Variants in STAG1 observed in about 807,000 individuals in gnomAD.
The protein encoded by STAG1 is STAG1 cohesin complex component, also known as cohesin subunit SA-1.
Under a neutral mutation model 170.9 loss-of-function variants are expected in STAG1, and 26 were observed. The ratio of observed to expected loss-of-function variants is 0.15; its 90% CI spans 0.11 to 0.21. The LOEUF (loss-of-function observed/expected upper bound fraction) is 0.21. Among genes scored for constraint, STAG1 ranks in the 10% least tolerant of loss-of-function variants. STAG1 has a pLI of 1.00. For missense variants in STAG1, 964 were observed against 1,509.5 expected (o/e 0.64, Z 5.99); for synonymous variants, 514 against 497.7 (o/e 1.03, Z -0.44).
At chr3:136,429,666 CAA>C in intron 16 of STAG1, among the ~76,000 whole-genome samples, 1 of 152,106 alleles carries the variant, frequency 6.6e-6, no homozygotes, top group Admixed American at 6.5e-5. Context: ...AATGAAAAAG[CAA>C]AAAGACAGAA....
At chr3:136,616,400 A>G (rs1939598796) in intron 3 of STAG1, among the ~76,000 whole-genome samples, 1 of 152,214 alleles carries the variant, frequency 6.6e-6, no homozygotes, top group Non-Finnish European at 1.5e-5. Context: ...GGTAGTCTTT[A>G]ACATAATTAA....
At chr3:136,443,138 C>T in intron 15 of STAG1, 149 bp downstream of exon 15, 1 of 501,578 alleles carries the variant, frequency 2.0e-6, no homozygotes, top group Non-Finnish European at 3.5e-6. Context: ...TTGACACATC[C>T]TTACTTGTTA....
chr3:136,341,096 G>C (rs1935950318), intron 31 of STAG1, among the ~76,000 whole-genome samples: 1 of 152,150 alleles, frequency 6.6e-6, no homozygotes, highest in Non-Finnish European at 1.5e-5. Flanking sequence ...TTTTAGTAGA[G>C]ACGGGGTTTC....
At chr3:136,492,263 G>A (rs537574520) in intron 9 of STAG1, among the ~76,000 whole-genome samples, 18 of 152,278 alleles carry the variant, frequency 1.2e-4, no homozygotes, top group Non-Finnish European at 2.6e-4. Context: ...GTTCAGTCAG[G>A]CTATGACAGA....
intron 1 of STAG1, among the ~76,000 whole-genome samples, chr3:136,694,817 G>A (rs989871221): frequency 6.6e-6 from 1 of 152,158 alleles, no homozygotes; most frequent in African/African-American, 2.4e-5. Context: ...AAAAGTTTTT[G>A]TAAGTAGAGG....
intron 1 of STAG1, among the ~76,000 whole-genome samples, chr3:136,728,154 A>G (rs1933795425): frequency 6.6e-6 from 1 of 151,914 alleles, no homozygotes; most frequent in Non-Finnish European, 1.5e-5. Flanking sequence ...GCGAAAGCCC[A>G]TTTCAAAAAA....
chr3:136,486,533 G>C (rs924798764), intron 9 of STAG1, among the ~76,000 whole-genome samples: 25 of 152,268 alleles, frequency 1.6e-4, no homozygotes, highest in African/African-American at 5.8e-4. Context: ...CTCTGCCGAG[G>C]ATCCATTACA....
chr3:136,563,243 C>T (rs1425976706), intron 5 of STAG1, among the ~76,000 whole-genome samples: 13 of 152,154 alleles, frequency 8.5e-5, no homozygotes, highest in Admixed American at 8.5e-4. Context: ...TCCCCGACCC[C>T]ACTAGTTTCA....
chr3:136,412,355 A>C (rs568902031), intron 21 of STAG1, among the ~76,000 whole-genome samples: 1 of 152,342 alleles, frequency 6.6e-6, no homozygotes, highest in African/African-American at 2.4e-5. Flanking sequence ...TGTGACCCTC[A>C]CAGTAATAAC....
At chr3:136,512,394 T>C (rs1404860588) in intron 7 of STAG1, among the ~76,000 whole-genome samples, 1 of 152,168 alleles carries the variant, frequency 6.6e-6, no homozygotes, top group Non-Finnish European at 1.5e-5. Context: ...TGAAGTGTGT[T>C]ATGGTCTGAA....
intron 11 of STAG1, 58 bp downstream of exon 11, chr3:136,473,481 C>G: frequency 7.9e-7 from 1 of 1,265,272 alleles, no homozygotes; most frequent in Non-Finnish European, 1.1e-6. Context: ...GCTAAACTAG[C>G]TGTAACTAGC....
intron 21 of STAG1, among the ~76,000 whole-genome samples, chr3:136,409,655 A>C (rs904956594): frequency 2.0e-4 from 30 of 152,098 alleles, no homozygotes; most frequent in African/African-American, 7.0e-4. Context: ...ACTACATTGA[A>C]ACTCGCCCCC....
intron 13 of STAG1, among the ~76,000 whole-genome samples, chr3:136,454,134 A>G (rs1173279450): frequency 2.6e-5 from 4 of 152,052 alleles, no homozygotes; most frequent in Non-Finnish European, 5.9e-5. Flanking sequence ...TCACTCTGTC[A>G]CCCAGGCTGG....
chr3:136,607,750 C>A (rs1939036901), intron 3 of STAG1, among the ~76,000 whole-genome samples: 1 of 152,188 alleles, frequency 6.6e-6, no homozygotes, highest in African/African-American at 2.4e-5. Context: ...TCAGCTTTGG[C>A]CAATGGGAGC....
chr3:136,598,356 T>C (rs1938518881), intron 4 of STAG1, among the ~76,000 whole-genome samples: 2 of 152,172 alleles, frequency 1.3e-5, no homozygotes, highest in African/African-American at 4.8e-5. Flanking sequence ...GGCTCCAACA[T>C]TTTCACTAAC....
chr3:136,477,115 C>A (rs1358319574), intron 10 of STAG1, among the ~76,000 whole-genome samples, 174 bp downstream of exon 10: 1 of 152,168 alleles, frequency 6.6e-6, no homozygotes, highest in African/African-American at 2.4e-5. Context: ...CACCCCTGGG[C>A]AAATGCTTCC....
At chr3:136,585,100 A>G (rs1937742206) in intron 4 of STAG1, among the ~76,000 whole-genome samples, 1 of 152,194 alleles carries the variant, frequency 6.6e-6, no homozygotes, top group African/African-American at 2.4e-5. Flanking sequence ...CAATGCCTTC[A>G]ACAATTATTT....
chr3:136,717,970 T>C (rs1932955329), intron 1 of STAG1, among the ~76,000 whole-genome samples: 1 of 152,156 alleles, frequency 6.6e-6, no homozygotes, highest in Non-Finnish European at 1.5e-5. Flanking sequence ...AATTTTGTTA[T>C]AATCTTTTTC....
In STAG1 at chr3:136,472,469, A is replaced by C. The variant is rs751191118; in HGVS notation, c.1149T>G (p.Leu383=). The change falls in exon 12 of 34, where the codon CTT becomes CTG. Residue 383 remains leucine, a synonymous_variant. Coordinates refer to ENST00000383202, the MANE Select transcript of STAG1 (RefSeq NM_005862.3). ...RFKDRIVSMT[L]DKEYDVAVEA... ...CCACAGCAACATCATATTCTTTATC[A>C]AGTGTCATTGATACAATGCGATCCT... The C allele has an allele frequency of 1.9e-6, 3 of 1,612,930 alleles. No homozygotes were observed. In the South Asian group the frequency reaches 3.3e-5, roughly 18 times the overall value.
Sources: gnomAD v4.1 joint callset for allele counts (sites outside exome capture counted in the v4.1 genomes callset) on GRCh38, gnomAD v4.1.1 for gene constraint, MANE v1.5 for transcripts, NCBI Gene and HGNC (gene_info 2026-07-23, HGNC 2026-07-21) for gene names.